SUGCT: variants seen among roughly 807,000 people sequenced by gnomAD.
SUGCT encodes the protein succinyl-CoA:glutarate-CoA transferase.
A neutral mutation model predicts 55.0 loss-of-function variants in SUGCT; 41 were observed. The ratio of observed to expected loss-of-function variants is 0.74; its 90% confidence interval spans 0.58 to 0.97. The LOEUF is 0.97. Ranked by LOEUF, SUGCT falls within the 50% of genes least tolerant of loss-of-function variation. The pLI is 0.00. For missense variants in SUGCT, 568 were observed against 547.8 expected (o/e 1.04, Z -0.37); for synonymous variants, 187 against 200.4 (o/e 0.93, Z 0.56).
chr7:40,418,068 T>A (rs1338812771), intron 9 of SUGCT, among the ~76,000 whole-genome samples: 1 of 152,186 alleles, frequency 6.6e-6, no homozygotes, highest in Non-Finnish European at 1.5e-5. Context: ...AGCCCTAAAT[T>A]TTTACACATC....
the SUGCT span, among the ~76,000 whole-genome samples, chr7:40,959,918 C>T: frequency 6.6e-6 from 1 of 152,122 alleles, no homozygotes. Context: ...CTTCCCTTGG[C>T]TAGGGGAGGG....
At chr7:40,324,835 T>C (rs946531272) in intron 9 of SUGCT, among the ~76,000 whole-genome samples, 1 of 152,200 alleles carries the variant, frequency 6.6e-6, no homozygotes, top group African/African-American at 2.4e-5. Context: ...TTATGCTCTT[T>C]CATGAGCCTT....
At chr7:40,680,401 T>G (rs1332439884) in intron 12 of SUGCT, among the ~76,000 whole-genome samples, 2 of 152,172 alleles carry the variant, frequency 1.3e-5, no homozygotes, top group Non-Finnish European at 2.9e-5. Context: ...GAGTGTTACT[T>G]AGAAGTCTGT....
At chr7:41,008,260 G>A in the SUGCT span, among the ~76,000 whole-genome samples, 3 of 152,204 alleles carry the variant, frequency 2.0e-5, no homozygotes, top group African/African-American at 7.2e-5. Context: ...TGCAAGTGCT[G>A]TATGTGTTTT....
In SUGCT at chr7:40,499,719, A is replaced by G. The variant is rs79318376; in HGVS notation, c.1089+3333A>G. Among the ~76,000 whole-genome samples, 398 of 152,350 alleles carry G rather than the reference A, an allele frequency of 2.6e-3. 2 individuals are homozygous for G. The highest frequency in any genetic ancestry group is 8.8e-3 in the African/African-American group (364 of 41,580). On this transcript the variant is annotated intron_variant, in intron 12 of 13. Coordinates refer to ENST00000335693, the MANE Select transcript of SUGCT (RefSeq NM_001193313.2). ...AAATTATCTGTGGAAAGCTCTGTGCATTATAGATGTATAATATAGATTATC... is the reference window on the plus strand; with the variant it reads ...AAATTATCTGTGGAAAGCTCTGTGCGTTATAGATGTATAATATAGATTATC...
At chr7:40,195,131 A>AC in intron 6 of SUGCT, 71 bp downstream of exon 6, 2 of 1,397,064 alleles carry the variant, frequency 1.4e-6, no homozygotes, top group Non-Finnish European at 9.3e-7. Flanking sequence ...GCTATAAGAA[A>AC]CCTTTTGCTG....
the SUGCT span, among the ~76,000 whole-genome samples, chr7:40,922,062 T>G: frequency 5.3e-5 from 8 of 152,284 alleles, no homozygotes; most frequent in East Asian, 1.3e-3. Context: ...AAAATGTATC[T>G]TCCCGTATTT....
At chr7:40,563,429 T>G (rs961831855) in intron 12 of SUGCT, among the ~76,000 whole-genome samples, 1 of 151,972 alleles carries the variant, frequency 6.6e-6, no homozygotes, top group Non-Finnish European at 1.5e-5. Flanking sequence ...ATTTGGGCTG[T>G]GTGTGGTGGT....
downstream of SUGCT, among the ~76,000 whole-genome samples, chr7:40,863,860 T>C (rs1365918605): frequency 1.3e-5 from 2 of 152,092 alleles, no homozygotes; most frequent in African/African-American, 2.4e-5. Context: ...TCACTCCTCT[T>C]CCTGCTTGAT....
At chr7:40,767,027 A>G (rs1329172811) in intron 13 of SUGCT, among the ~76,000 whole-genome samples, 1 of 152,172 alleles carries the variant, frequency 6.6e-6, no homozygotes, top group East Asian at 1.9e-4. Flanking sequence ...CTCCACATCT[A>G]ACCTAAGAAA....
At chr7:40,688,712 TTCCCCTTTTGAAAAATGTTTCTC>T (rs965206658) in intron 12 of SUGCT, among the ~76,000 whole-genome samples, 94 of 152,278 alleles carry the variant, frequency 6.2e-4, no homozygotes, top group African/African-American at 2.2e-3. Context: ...AGGGCTAACT[TTCCCCTTTTGAAAAATGTTTCTC>T]TGCATGTTAC....
intron 13 of SUGCT, among the ~76,000 whole-genome samples, chr7:40,770,438 C>A (rs1789034927): frequency 6.6e-6 from 1 of 152,030 alleles, no homozygotes; most frequent in Non-Finnish European, 1.5e-5. Context: ...CTTTGCAGTA[C>A]AAGATGGCAT....
intron 9 of SUGCT, among the ~76,000 whole-genome samples, chr7:40,358,770 A>G (rs1489674304): frequency 1.3e-5 from 2 of 149,770 alleles, no homozygotes; most frequent in African/African-American, 5.0e-5. Context: ...ATTCATAGAA[A>G]ATGACAGAAT....
At chr7:40,961,750 C>T in the SUGCT span, among the ~76,000 whole-genome samples, 17 of 152,042 alleles carry the variant, frequency 1.1e-4, no homozygotes, top group Admixed American at 9.8e-4. Flanking sequence ...CCAGTGGGTT[C>T]GTGGTCTCGC....
intron 9 of SUGCT, among the ~76,000 whole-genome samples, chr7:40,430,779 G>A (rs183984576): frequency 7.2e-5 from 11 of 152,046 alleles, no homozygotes; most frequent in African/African-American, 2.4e-4. Context: ...TTATATTTAG[G>A]TCTTATACCC....
At chr7:40,957,447 C>CTTTTTTTTTTTTT in the SUGCT span, among the ~76,000 whole-genome samples, 2 of 76,090 alleles carry the variant, frequency 2.6e-5, no homozygotes, top group South Asian at 5.4e-4. Flanking sequence ...GCAACCCCTG[C>CTTTTTTTTTTTTT]TTTTTTTTTT....
intron 6 of SUGCT, among the ~76,000 whole-genome samples, chr7:40,222,244 A>T (rs1459566075): frequency 6.6e-6 from 1 of 152,192 alleles, no homozygotes; most frequent in East Asian, 1.9e-4. Context: ...TCTTGGAAGA[A>T]CCTATTACAA....
intron 12 of SUGCT, among the ~76,000 whole-genome samples, chr7:40,652,393 TTGAATACA>T (rs1269946900): frequency 3.9e-5 from 6 of 152,208 alleles, no homozygotes; most frequent in African/African-American, 1.2e-4. Context: ...GATGAACTGA[TTGAATACA>T]TGAAAAAATA....
intron 12 of SUGCT, among the ~76,000 whole-genome samples, chr7:40,739,339 T>C (rs1787343906): frequency 6.6e-6 from 1 of 152,202 alleles, no homozygotes. Flanking sequence ...TTCAATGAAA[T>C]CATATACTAT....
Sources: allele counts gnomAD v4.1 joint callset (sites outside exome capture counted in the v4.1 genomes callset), GRCh38; gene constraint gnomAD v4.1.1; transcripts MANE v1.5; gene names NCBI Gene and HGNC (gene_info 2026-07-23, HGNC 2026-07-21).